BRD10: variants seen among roughly 807,000 people sequenced by gnomAD.
BRD10 encodes the protein uncharacterized bromodomain-containing protein 10.
chr9:5,954,274 C>T, the BRD10 span, among the ~76,000 whole-genome samples: 5 of 152,234 alleles, frequency 3.3e-5, no homozygotes, highest in East Asian at 9.6e-4. Flanking sequence ...CTATTAACTA[C>T]CTGTTAACAG....
At chr9:5,966,632 G>A in the BRD10 span, among the ~76,000 whole-genome samples, 1 of 151,352 alleles carries the variant, frequency 6.6e-6, no homozygotes, top group Non-Finnish European at 1.5e-5. Flanking sequence ...GCTAATTTTT[G>A]TATTTCTATT....
the BRD10 span, among the ~76,000 whole-genome samples, chr9:5,957,878 T>A: frequency 5.9e-5 from 9 of 152,130 alleles, no homozygotes; most frequent in Non-Finnish European, 1.3e-4. Context: ...CAGGACAAAA[T>A]ATATACAGGG....
At chr9:5,959,618 G>T in the BRD10 span, among the ~76,000 whole-genome samples, 1 of 152,142 alleles carries the variant, frequency 6.6e-6, no homozygotes, top group South Asian at 2.1e-4. Context: ...TCTTCAGCTG[G>T]TATGCTAAAA....
At chr9:5,921,754 C>T in the BRD10 span, 72 of 1,613,856 alleles carry the variant, frequency 4.5e-5, no homozygotes, top group South Asian at 4.6e-4. Context: ...TTACACTTAC[C>T]GAACTACTTG....
the BRD10 span, among the ~76,000 whole-genome samples, chr9:5,977,171 G>C: frequency 6.6e-6 from 1 of 152,182 alleles, no homozygotes. Flanking sequence ...TCCTAGAAGA[G>C]GAAGAAAATT....
At chr9:5,922,288 C>G in the BRD10 span, 3 of 1,613,810 alleles carry the variant, frequency 1.9e-6, no homozygotes, top group Admixed American at 3.3e-5. Context: ...TTGTTGATGA[C>G]AGAGGCTGAC....
the BRD10 span, chr9:5,891,129 C>T: frequency 6.6e-6 from 1 of 152,180 alleles, no homozygotes; most frequent in Admixed American, 6.5e-5. Context: ...TCTCTCAGTC[C>T]TCCAACACTA....
the BRD10 span, among the ~76,000 whole-genome samples, chr9:5,931,759 T>C: frequency 1.3e-5 from 2 of 152,226 alleles, no homozygotes; most frequent in African/African-American, 2.4e-5. Flanking sequence ...TAAAATGCTT[T>C]GTCTAGCAGA....
At chr9:5,896,369 T>C in the BRD10 span, among the ~76,000 whole-genome samples, 406 of 152,344 alleles carry the variant, frequency 2.7e-3, 1 homozygote, top group Non-Finnish European at 4.9e-3. Context: ...TCCTGATCTA[T>C]AAAGCGGGTG....
the BRD10 span, chr9:5,910,311 C>T: frequency 1.3e-5 from 2 of 152,044 alleles, no homozygotes; most frequent in Non-Finnish European, 2.9e-5. Flanking sequence ...CAAAATTTCA[C>T]CAAAGGGGAA....
chr9:5,957,047 A>G, the BRD10 span, among the ~76,000 whole-genome samples: 1 of 152,132 alleles, frequency 6.6e-6, no homozygotes, highest in African/African-American at 2.4e-5. Context: ...AAACACTGAC[A>G]ACGATTTTAA....
chr9:5,998,479 C>T, the BRD10 span, among the ~76,000 whole-genome samples: 12 of 152,046 alleles, frequency 7.9e-5, no homozygotes, highest in African/African-American at 2.9e-4. Flanking sequence ...CCTACTCCTT[C>T]AAATCTTTTA....
chr9:5,918,388 G>T, the BRD10 span, among the ~76,000 whole-genome samples: 1 of 152,128 alleles, frequency 6.6e-6, no homozygotes, highest in Non-Finnish European at 1.5e-5. Context: ...TGGATATAAA[G>T]ATCCAATAAA....
chr9:5,983,205 A>T, the BRD10 span, among the ~76,000 whole-genome samples: 1 of 152,182 alleles, frequency 6.6e-6, no homozygotes, highest in East Asian at 1.9e-4. Flanking sequence ...GCCACCACTT[A>T]GGGGCATTTA....
chr9:5,908,687 A>T, the BRD10 span: 1 of 1,614,052 alleles, frequency 6.2e-7, no homozygotes, highest in Non-Finnish European at 8.5e-7. Context: ...CAGAACAGTC[A>T]CCACCACCTT....
chr9:5,919,902 T>C, the BRD10 span: 2 of 1,613,948 alleles, frequency 1.2e-6, no homozygotes, highest in Non-Finnish European at 8.5e-7. Context: ...GAAGTGCTAC[T>C]TGGCAGTGGA....
chr9:5,918,488 G>A, the BRD10 span, among the ~76,000 whole-genome samples: 1 of 152,284 alleles, frequency 6.6e-6, no homozygotes, highest in South Asian at 2.1e-4. Context: ...GGCCAAGGTA[G>A]GTGGATCTCT....
At chr9:5,934,525 A>C in the BRD10 span, among the ~76,000 whole-genome samples, 1 of 151,462 alleles carries the variant, frequency 6.6e-6, no homozygotes, top group African/African-American at 2.4e-5. Flanking sequence ...CGCCCAACTA[A>C]TTTTAAATTT....
At chr9:5,963,928 G>T in the BRD10 span, among the ~76,000 whole-genome samples, 2 of 151,398 alleles carry the variant, frequency 1.3e-5, no homozygotes, top group African/African-American at 4.9e-5. Flanking sequence ...AGATTTAAAC[G>T]TTAGACCTAA....
Sources: gnomAD v4.1 joint callset for allele counts (sites outside exome capture counted in the v4.1 genomes callset) on GRCh38, gnomAD v4.1.1 for gene constraint, MANE v1.5 for transcripts, NCBI Gene and HGNC (gene_info 2026-07-23, HGNC 2026-07-21) for gene names.